The following NOS1AP variants were observed in gnomAD, a reference collection of about 807,000 sequenced individuals.
NOS1AP encodes nitric oxide synthase 1 adaptor protein, also known as carboxyl-terminal PDZ ligand of neuronal nitric oxide synthase protein.
Under a neutral mutation model 56.2 loss-of-function variants are expected in NOS1AP, and 21 were observed. That is an observed-to-expected ratio of 0.37 (90% CI 0.26 to 0.54). The LOEUF (loss-of-function observed/expected upper bound fraction) is 0.54, where lower values mean the gene tolerates loss of function less well. Ranked by LOEUF, NOS1AP falls within the 20% of genes least tolerant of loss-of-function variation. The pLI, the probability that NOS1AP is intolerant of heterozygous loss-of-function variation, is 0.84. For synonymous variants in NOS1AP, 270 were observed against 274.6 expected, an observed-to-expected ratio of 0.98 and a Z score of 0.17; for missense variants, 522 against 657.8, an observed-to-expected ratio of 0.79 and a Z score of 2.26.
intron 1 of NOS1AP, among the ~76,000 whole-genome samples, chr1:162,137,899 C>T (rs755335175): frequency 1.3e-5 from 2 of 151,996 alleles, no homozygotes; most frequent in Non-Finnish European, 1.5e-5. Context: ...AGCAAGCAAG[C>T]GGTGATTGGC....
At chr1:162,207,637 C>T (rs1039072616) in intron 2 of NOS1AP, among the ~76,000 whole-genome samples, 2 of 152,118 alleles carry the variant, frequency 1.3e-5, no homozygotes, top group South Asian at 4.1e-4. Context: ...ATAGTAGTTC[C>T]TGGTTGGTGT....
At chr1:162,352,728 T>C (rs1177730787) in intron 6 of NOS1AP, among the ~76,000 whole-genome samples, 2 of 152,152 alleles carry the variant, frequency 1.3e-5, no homozygotes, top group African/African-American at 4.8e-5. Flanking sequence ...TATAAGGGCA[T>C]GAATCCCATC....
chr1:162,225,017 C>G (rs554973002), intron 2 of NOS1AP, among the ~76,000 whole-genome samples: 6 of 152,306 alleles, frequency 3.9e-5, no homozygotes, highest in Non-Finnish European at 7.4e-5. Context: ...TCTTGGCAAC[C>G]ATTCTCTTCC....
chr1:162,302,253 C>T (rs570047947), intron 4 of NOS1AP, among the ~76,000 whole-genome samples: 20 of 152,246 alleles, frequency 1.3e-4, no homozygotes, highest in Admixed American at 3.3e-4. Context: ...GTATATCTAG[C>T]GCTAAACCTG....
At chr1:162,247,958 G>T (rs10918975) in intron 2 of NOS1AP, among the ~76,000 whole-genome samples, 4,751 of 152,192 alleles carry the variant, frequency 0.031, 229 homozygotes, top group African/African-American at 0.11. Flanking sequence ...TGACACAAAA[G>T]GATTTACTAT....
chr1:162,130,043 T>C (rs956517342), intron 1 of NOS1AP, among the ~76,000 whole-genome samples: 1 of 152,242 alleles, frequency 6.6e-6, no homozygotes, highest in Non-Finnish European at 1.5e-5. Flanking sequence ...CTAGACTTTC[T>C]ATCTTTCTTA....
chr1:162,070,150 C>T lies in NOS1AP; in HGVS notation c.-28C>T, dbSNP rs1691629827. ...AGCCCCTTCCTGCAGCCGCCGCCTC[C>T]GAAGGAGCGGGTCCGCCGCGGGTAA... On this transcript the variant is annotated 5_prime_UTR_variant, in exon 1 of 10. Coordinates refer to ENST00000361897, the MANE Select transcript of NOS1AP (RefSeq NM_014697.3). 3 of 1,595,584 alleles carry T rather than the reference C, an allele frequency of 1.9e-6. No individual in the cohort carries two copies. Among genetic ancestry groups the T allele is most frequent in the Non-Finnish European group, 2.6e-6 (3 of 1,163,622 alleles).
chr1:162,306,284 G>A (rs2661809), intron 4 of NOS1AP, among the ~76,000 whole-genome samples: 62,979 of 151,978 alleles, frequency 0.41, 13,913 homozygotes, highest in East Asian at 0.6. Context: ...CTGATGCTGG[G>A]CCTGAGCTGA....
chr1:162,289,505 C>T (rs1278319285), intron 3 of NOS1AP, among the ~76,000 whole-genome samples: 21 of 114,006 alleles, frequency 1.8e-4, no homozygotes, highest in African/African-American at 4.9e-4. Flanking sequence ...GACGGAGTCT[C>T]GCTCTGTCGC....
chr1:162,141,208 T>C (rs1649222517), intron 1 of NOS1AP, among the ~76,000 whole-genome samples: 1 of 152,236 alleles, frequency 6.6e-6, no homozygotes, highest in African/African-American at 2.4e-5. Context: ...ACTGGTAATC[T>C]TGCAAAATTT....
chr1:162,163,733 G>A (rs1650342377), intron 2 of NOS1AP, among the ~76,000 whole-genome samples: 1 of 152,194 alleles, frequency 6.6e-6, no homozygotes, highest in Non-Finnish European at 1.5e-5. Context: ...GAAGGCTAGT[G>A]TGAATAGAGA....
At chr1:162,288,879 C>G (rs546004308) in intron 3 of NOS1AP, among the ~76,000 whole-genome samples, 5 of 152,318 alleles carry the variant, frequency 3.3e-5, no homozygotes, top group African/African-American at 9.6e-5. Flanking sequence ...TTGGGGACAT[C>G]TGTTTTGCTT....
intron 2 of NOS1AP, among the ~76,000 whole-genome samples, chr1:162,184,820 G>T (rs555141440): frequency 2.8e-4 from 42 of 152,204 alleles, no homozygotes; most frequent in Non-Finnish European, 6.0e-4. Context: ...GTGTTGCAGT[G>T]AGAACCGTGA....
intron 1 of NOS1AP, among the ~76,000 whole-genome samples, chr1:162,125,412 G>T (rs1341486922): frequency 6.6e-6 from 1 of 152,166 alleles, no homozygotes; most frequent in African/African-American, 2.4e-5. Flanking sequence ...AGGATTACAG[G>T]CATGAGCCAC....
intron 6 of NOS1AP, among the ~76,000 whole-genome samples, chr1:162,351,930 C>T (rs936957864): frequency 2.6e-5 from 4 of 152,168 alleles, no homozygotes; most frequent in South Asian, 2.1e-4. Context: ...TTCCTAAGGG[C>T]CACCTTTCTC....
intron 6 of NOS1AP, among the ~76,000 whole-genome samples, chr1:162,354,588 G>T (rs1657631849): frequency 6.6e-6 from 1 of 152,206 alleles, no homozygotes. Flanking sequence ...ACTTCCTGCA[G>T]GCGTCTTCCT....
intron 2 of NOS1AP, among the ~76,000 whole-genome samples, chr1:162,259,972 G>C (rs1176498867): frequency 1.4e-5 from 2 of 144,602 alleles, no homozygotes; most frequent in Non-Finnish European, 3.2e-5. Flanking sequence ...CCAATCAATT[G>C]TTTGGGTTTT....
chr1:162,265,472 T>C (rs964492561), intron 2 of NOS1AP, among the ~76,000 whole-genome samples: 2 of 149,376 alleles, frequency 1.3e-5, no homozygotes, highest in Non-Finnish European at 3.0e-5. Context: ...AGTGAGAACA[T>C]GCGGTGTTTG....
chr1:162,322,308 G>C (rs527954904), intron 4 of NOS1AP, among the ~76,000 whole-genome samples: 1 of 152,284 alleles, frequency 6.6e-6, no homozygotes, highest in Non-Finnish European at 1.5e-5. Flanking sequence ...CTCAGATACA[G>C]CATGAGGTAG....
Sources: gnomAD v4.1 joint callset for allele counts (sites outside exome capture counted in the v4.1 genomes callset) on GRCh38, gnomAD v4.1.1 for gene constraint, MANE v1.5 for transcripts, NCBI Gene and HGNC (gene_info 2026-07-23, HGNC 2026-07-21) for gene names.